The following GGT1 variants were observed in gnomAD, a reference collection of about 807,000 sequenced individuals.
GGT1 encodes the protein glutathione hydrolase 1 proenzyme.
A neutral mutation model predicts 56.0 loss-of-function variants in GGT1; 21 were observed. That is an observed-to-expected ratio of 0.38 (90% CI 0.27 to 0.54). The LOEUF (loss-of-function observed/expected upper bound fraction) is 0.54. GGT1 is among the 20% of genes least tolerant of loss of function. The pLI, the probability that GGT1 is intolerant of heterozygous loss-of-function variation, is 0.82. For missense variants in GGT1, 466 were observed against 787.0 expected, an observed-to-expected ratio of 0.59 and a Z score of 4.88; for synonymous variants, 238 against 342.6, an observed-to-expected ratio of 0.69 and a Z score of 3.37.
chr22:24,603,759 G>C (rs1363562520), intron 1 of GGT1, among the ~76,000 whole-genome samples: 1 of 151,902 alleles, frequency 6.6e-6, no homozygotes, highest in Non-Finnish European at 1.5e-5. Context: ...AGCCCTGAGT[G>C]GGGGCGGGGG....
At chr22:24,594,216 C>T (rs928762542), upstream of GGT1, among the ~76,000 whole-genome samples, 2 of 152,170 alleles carry the variant, frequency 1.3e-5, no homozygotes, top group Non-Finnish European at 2.9e-5. Context: ...CCAATCCCGG[C>T]TCTGGGACGC....
chr22:24,584,218 G>A, the GGT1 span, among the ~76,000 whole-genome samples: 1 of 152,084 alleles, frequency 6.6e-6, no homozygotes, highest in Non-Finnish European at 1.5e-5. Context: ...GAGCTGGGAG[G>A]GAGCTGGACC....
chr22:24,627,762 C>G, intron 12 of GGT1, 90 bp from the exon 13 acceptor site: 1 of 1,554,812 alleles, frequency 6.4e-7, no homozygotes, highest in East Asian at 2.3e-5. Context: ...TCCTGGGCCT[C>G]TCAGTGAGTA....
At chr22:24,601,076 A>C (rs1390331618), upstream of GGT1, among the ~76,000 whole-genome samples, 3 of 152,186 alleles carry the variant, frequency 2.0e-5, no homozygotes, top group Non-Finnish European at 4.4e-5. Context: ...CAGTTTACCA[A>C]GTGTCTCCTT....
intron 1 of GGT1, among the ~76,000 whole-genome samples, chr22:24,606,224 G>C (rs866989837): frequency 5.4e-5 from 8 of 148,316 alleles, no homozygotes; most frequent in African/African-American, 2.0e-4. Flanking sequence ...TGCCATGTTG[G>C]TGTGCTGCAC....
intron 7 of GGT1, among the ~76,000 whole-genome samples, chr22:24,618,865 G>T (rs1354901125): frequency 6.6e-6 from 1 of 152,158 alleles, no homozygotes; most frequent in African/African-American, 2.4e-5. Flanking sequence ...ACCTTTCTGG[G>T]CAAAGGGTCA....
chr22:24,592,727 C>T (rs1437164176), upstream of GGT1: 2 of 1,295,442 alleles, frequency 1.5e-6, no homozygotes, highest in Non-Finnish European at 2.0e-6. Context: ...AACCCGCCTG[C>T]GCGCGCCAGA....
At chr22:24,602,692 A>C (rs1481411441), upstream of GGT1, among the ~76,000 whole-genome samples, 2 of 152,174 alleles carry the variant, frequency 1.3e-5, no homozygotes, top group Non-Finnish European at 2.9e-5. Flanking sequence ...CCTTCAGTCC[A>C]GGTGACCAGG....
rs1394163222 is a variant in GGT1, at chr22:24,605,943, A to G, written c.-428-2011A>G. 3.4e-5 allele frequency among the ~76,000 whole-genome samples: 3 copies of G among 88,676 alleles called. 1 individual carries two copies. The highest frequency in any genetic ancestry group is 3.7e-4 in the Admixed American group (2 of 5,384). The allele number at this position is 88,676 out of a possible 152,430, so 58.2% of individuals were successfully genotyped here. ...GTGTATTATATATTATATATAATAT[A>G]TAATATTATATATAATATATTACAT... On this transcript the variant is annotated intron_variant, in intron 1 of 15. Coordinates refer to ENST00000400382, the MANE Select transcript of GGT1 (RefSeq NM_001288833.2).
At chr22:24,622,543 G>C (rs1319284625) in intron 9 of GGT1, among the ~76,000 whole-genome samples, 4 of 152,110 alleles carry the variant, frequency 2.6e-5, no homozygotes, top group African/African-American at 9.7e-5. Context: ...CAGCCTGGGC[G>C]ATAGAGCGAG....
chr22:24,589,548 G>T, the GGT1 span: 1 of 463,596 alleles, frequency 2.2e-6, no homozygotes, highest in Non-Finnish European at 3.4e-6. Context: ...TTCCTGGTCT[G>T]GGCCCCCAGG....
intron 2 of GGT1, among the ~76,000 whole-genome samples, chr22:24,608,560 C>T (rs768629172): frequency 8.5e-5 from 13 of 152,268 alleles, no homozygotes; most frequent in Non-Finnish European, 1.8e-4. Flanking sequence ...GACTGGGTAG[C>T]TTCCTTGGTG....
chr22:24,628,397 G>C lies in GGT1; in HGVS notation c.1563+9G>C, dbSNP rs1453857333. On this transcript the variant is annotated intron_variant, in intron 15 of 15. Transcript: ENST00000400382. This position sits in a 1 kb window ranked among gnomAD's most constrained non-coding sequence, Gnocchi z 5.7. ...AGAGAAACATTGACCAGGTGGGCCG[G>C]GGGTTGGAGAAACTGAGTCAAGGTG... is the stretch of plus-strand genomic sequence containing the variant. 1 of 1,610,008 alleles carries C rather than the reference G, an allele frequency of 6.2e-7. No individual in the cohort carries two copies. The highest frequency in any genetic ancestry group is 1.4e-5 in the African/African-American group (1 of 73,238).
intron 9 of GGT1, among the ~76,000 whole-genome samples, chr22:24,621,693 A>G (rs1327038779): frequency 6.6e-6 from 1 of 152,170 alleles, no homozygotes; most frequent in Admixed American, 6.5e-5. Flanking sequence ...TCCCTCCTCT[A>G]TTCATTCATC....
intron 9 of GGT1, among the ~76,000 whole-genome samples, chr22:24,622,303 G>T (rs1222237671): frequency 1.3e-5 from 2 of 152,156 alleles, no homozygotes; most frequent in South Asian, 4.1e-4. Context: ...GGTGGCTCAC[G>T]CCTGTAATCC....
chr22:24,605,037 A>ATATATATATATATATATATATATATAT (rs1569047530), intron 1 of GGT1, among the ~76,000 whole-genome samples: 1 of 50,042 alleles, frequency 2.0e-5, no homozygotes, highest in African/African-American at 1.5e-4. Context: ...TATATATATA[A>ATATATATATATATATATATATATATAT]AATATGTAAT....
At chr22:24,592,899 C>A, upstream of GGT1, 1 of 1,280,074 alleles carries the variant, frequency 7.8e-7, no homozygotes. Context: ...GGGCGCGCTC[C>A]GGCCGCCGCT....
At chr22:24,617,441 G>T (rs923140193) in intron 7 of GGT1, among the ~76,000 whole-genome samples, 3 of 152,194 alleles carry the variant, frequency 2.0e-5, no homozygotes, top group African/African-American at 7.2e-5. Context: ...GCTGTGTAAG[G>T]GGCAGGGAGC....
In GGT1 at chr22:24,628,812, G is replaced by A; in HGVS notation, c.1683G>A (p.Arg561=). The change falls in exon 16 of 16, where the codon AGG becomes AGA. Residue 561 remains arginine, a synonymous_variant. Transcript: ENST00000400382. The surrounding 1 kb of genome is among the most constrained non-coding windows in gnomAD (Gnocchi z 5.7). ...AGGWAAASDS[R]KGGEPAGY is the part of the protein sequence containing the mutation. ...GCTGGGCAGCTGCCTCGGACTCCAG[G>A]AAAGGCGGGGAGCCTGCCGGCTACT... The A allele has an allele frequency of 1.2e-6, 2 of 1,606,694 alleles. No individual in the cohort carries two copies. The highest frequency in any genetic ancestry group is 1.1e-5 in the South Asian group (1 of 90,668).
Sources: allele counts gnomAD v4.1 joint callset (sites outside exome capture counted in the v4.1 genomes callset), GRCh38; gene constraint gnomAD v4.1.1; non-coding constraint Gnocchi (gnomAD v3.1); transcripts MANE v1.5; gene names NCBI Gene and HGNC (gene_info 2026-07-23, HGNC 2026-07-21).